The following CUX2 variants were observed in gnomAD, a reference collection of about 807,000 sequenced individuals.
CUX2 encodes the protein cut like homeobox 2.
Under a neutral mutation model 144.8 loss-of-function variants are expected in CUX2, and 40 were observed. That is an observed-to-expected ratio of 0.28 (90% confidence interval 0.21 to 0.36). The LOEUF is 0.36. CUX2 is among the 10% of genes least tolerant of loss of function. The pLI, the probability that CUX2 is intolerant of heterozygous loss-of-function variation, is 1.00. For synonymous variants in CUX2, 827 were observed against 875.6 expected (o/e 0.94, Z 0.98); for missense variants, 1,615 against 1,994.0 (o/e 0.81, Z 3.62).
intron 1 of CUX2, among the ~76,000 whole-genome samples, chr12:111,142,992 T>G (rs1309962975): frequency 6.6e-6 from 1 of 152,230 alleles, no homozygotes; most frequent in Non-Finnish European, 1.5e-5. Flanking sequence ...TCGCTTTTTT[T>G]GGAATCTCTG....
rs1241939698 is a variant in CUX2, at chr12:111,037,533, A to G, written c.63+3293A>G. On this transcript the variant is annotated intron_variant, in intron 1 of 21. Coordinates refer to ENST00000261726, the MANE Select transcript of CUX2 (RefSeq NM_015267.4). The surrounding 1 kb of genome is among the most constrained non-coding windows in gnomAD (Gnocchi z 5.4). ...TGGTAAAGGTGATCTGACATGTGCC[A>G]CCCTACTCCGGCACTCCTGAAACTA... 6.6e-6 allele frequency among the ~76,000 whole-genome samples: 1 copy of G among 152,106 alleles called. No homozygotes were observed.
At chr12:111,306,714 C>T (rs764176995) in intron 10 of CUX2, among the ~76,000 whole-genome samples, 9 of 152,182 alleles carry the variant, frequency 5.9e-5, no homozygotes, top group Non-Finnish European at 1.3e-4. Flanking sequence ...TTTAATAAAT[C>T]TTTTAATCAA....
intron 4 of CUX2, among the ~76,000 whole-genome samples, chr12:111,270,049 CAT>C (rs1884564968): frequency 1.3e-5 from 2 of 152,168 alleles, no homozygotes; most frequent in Admixed American, 1.3e-4. Context: ...ATTAGGAAGA[CAT>C]ATTTTTGTTC....
intron 1 of CUX2, among the ~76,000 whole-genome samples, chr12:111,130,742 T>G (rs990324731): frequency 6.6e-5 from 10 of 152,224 alleles, no homozygotes; most frequent in Non-Finnish European, 1.3e-4. Context: ...TCTCTTCCTT[T>G]TAGATTAAAC....
chr12:111,241,678 G>T (rs1269071168), intron 3 of CUX2, among the ~76,000 whole-genome samples: 4 of 152,248 alleles, frequency 2.6e-5, no homozygotes, highest in Admixed American at 1.3e-4. Flanking sequence ...ATCCCACGTT[G>T]GCCCGACCCC....
Position 111,252,494 on chromosome 12 carries a change from G to A in CUX2, c.223-11267G>A, listed in dbSNP as rs187908537. 9.6e-4 allele frequency among the ~76,000 whole-genome samples: 146 copies of A among 152,198 alleles called. No individual in the cohort carries two copies. In the Middle Eastern group the frequency reaches 0.034, roughly 35 times the overall value. On this transcript the variant is annotated intron_variant, in intron 3 of 21. Transcript: ENST00000261726. ...TGGGCCTCTGTCCCCTCCCTACCAG[G>A]GAGCTTGCAAGAGGTCTCCACAGAG...
chr12:111,125,062 T>A lies in CUX2; in HGVS notation c.64-89138T>A, dbSNP rs140531109. 4.7e-3 allele frequency among the ~76,000 whole-genome samples: 721 copies of A among 152,302 alleles called. 10 individuals are homozygous for A. Among genetic ancestry groups the A allele is most frequent in the African/African-American group, 0.016 (679 of 41,558 alleles). ...AGAACCTTTGCTTCTGAGGCTGCTTTTGAGGCCTTCATTTTGGGGTACCAT... is the reference window on the plus strand; with the variant it reads ...AGAACCTTTGCTTCTGAGGCTGCTTATGAGGCCTTCATTTTGGGGTACCAT... On this transcript the variant is annotated intron_variant, in intron 1 of 21. Transcript: ENST00000261726.
intron 1 of CUX2, among the ~76,000 whole-genome samples, chr12:111,181,733 T>C (rs1879190574): frequency 6.6e-6 from 1 of 152,232 alleles, no homozygotes; most frequent in Non-Finnish European, 1.5e-5. Flanking sequence ...AATGTCTGAT[T>C]ATTTTTAGAC....
intron 1 of CUX2, among the ~76,000 whole-genome samples, chr12:111,148,817 T>C (rs1876862894): frequency 6.6e-6 from 1 of 152,122 alleles, no homozygotes; most frequent in Non-Finnish European, 1.5e-5. Context: ...GGCAATACAG[T>C]GAGACCCCTT....
In CUX2 at chr12:111,289,674, T is replaced by C. The variant is rs1885570257; in HGVS notation, c.302-1744T>C. ...CCAGGCAGAAGGACCTGCACGTTCC[T>C]CACCTTTGAGTGATTGGGGAATTGG... is the stretch of plus-strand genomic sequence containing the variant. On this transcript the variant is annotated intron_variant, in intron 4 of 21. Transcript: ENST00000261726. This position sits in a 1 kb window ranked among gnomAD's most constrained non-coding sequence, Gnocchi z 4.1. Among the ~76,000 whole-genome samples the C allele has an allele frequency of 6.6e-6, 1 of 152,012 alleles. No homozygotes were observed. Among genetic ancestry groups the C allele is most frequent in the South Asian group, 2.1e-4 (1 of 4,806 alleles).
intron 9 of CUX2, among the ~76,000 whole-genome samples, chr12:111,303,332 C>A (rs1886402326): frequency 6.6e-6 from 1 of 151,444 alleles, no homozygotes; most frequent in Non-Finnish European, 1.5e-5. Flanking sequence ...TTCATTGCTC[C>A]CCATTTCAAA....
chr12:111,165,103 C>T (rs1030437328), intron 1 of CUX2, among the ~76,000 whole-genome samples: 3 of 152,002 alleles, frequency 2.0e-5, no homozygotes, highest in Non-Finnish European at 2.9e-5. Context: ...CCCTTTTTTT[C>T]TTAAGCTACT....
At chr12:111,050,947 G>A (rs777268591) in intron 1 of CUX2, among the ~76,000 whole-genome samples, 15 of 152,136 alleles carry the variant, frequency 9.9e-5, no homozygotes, top group Non-Finnish European at 1.6e-4. Flanking sequence ...AGCAGAGCAG[G>A]GTGACTATAG....
At chr12:111,199,490 C>A (rs370872737) in intron 1 of CUX2, among the ~76,000 whole-genome samples, 3 of 152,134 alleles carry the variant, frequency 2.0e-5, no homozygotes, top group Non-Finnish European at 4.4e-5. Flanking sequence ...GGATTTGAAC[C>A]CAGCCCACAC....
chr12:111,346,452 G>A (rs999751556), intron 21 of CUX2, among the ~76,000 whole-genome samples: 51 of 151,078 alleles, frequency 3.4e-4, no homozygotes, highest in Non-Finnish European at 6.8e-4. Context: ...CTCCAGCCTG[G>A]GCAACAGAGC....
intron 1 of CUX2, among the ~76,000 whole-genome samples, chr12:111,209,718 G>A (rs1425501535): frequency 2.6e-5 from 4 of 152,014 alleles, no homozygotes; most frequent in Admixed American, 2.6e-4. Context: ...CACTTCCAGG[G>A]GGTACTGCAG....
chr12:111,093,640 C>T (rs1309184146), intron 1 of CUX2, among the ~76,000 whole-genome samples: 1 of 152,014 alleles, frequency 6.6e-6, no homozygotes. Flanking sequence ...AGAAATTTGA[C>T]GGGGGGGCGA....
intron 5 of CUX2, among the ~76,000 whole-genome samples, chr12:111,292,289 G>A (rs1159696045): frequency 1.3e-5 from 2 of 152,226 alleles, no homozygotes; most frequent in Non-Finnish European, 2.9e-5. Context: ...CAACATGGAT[G>A]AACTTTGAAA....
chr12:111,271,116 C>T (rs1021916851), intron 4 of CUX2, among the ~76,000 whole-genome samples: 6 of 152,144 alleles, frequency 3.9e-5, no homozygotes, highest in Admixed American at 2.0e-4. Flanking sequence ...ATTGATTCTA[C>T]GAGGTTCGGT....
Sources: gnomAD v4.1 joint callset for allele counts (sites outside exome capture counted in the v4.1 genomes callset) on GRCh38, gnomAD v4.1.1 for gene constraint, Gnocchi (gnomAD v3.1) non-coding constraint, MANE v1.5 for transcripts, NCBI Gene and HGNC (gene_info 2026-07-23, HGNC 2026-07-21) for gene names.